The following GCNT1 variants were observed in gnomAD, a reference collection of about 807,000 sequenced individuals.
GCNT1 encodes the protein glucosaminyl (N-acetyl) transferase 1, also known as beta-1,3-galactosyl-O-glycosyl-glycoprotein beta-1,6-N-acetylglucosaminyltransferase.
In GCNT1, 16 loss-of-function variants were observed where a neutral mutation model predicts 26.2. The ratio of observed to expected loss-of-function variants is 0.61; its 90% confidence interval spans 0.41 to 0.93. The LOEUF (loss-of-function observed/expected upper bound fraction) is 0.93, where lower values mean the gene tolerates loss of function less well. GCNT1 is among the 40% of genes least tolerant of loss of function. The pLI is 0.00. For synonymous variants in GCNT1, 183 were observed against 190.8 expected, an observed-to-expected ratio of 0.96 and a Z score of 0.34; for missense variants, 477 against 526.7, an observed-to-expected ratio of 0.91 and a Z score of 0.92.
intron 1 of GCNT1, among the ~76,000 whole-genome samples, chr9:76,449,771 T>C (rs1266978825): frequency 1.3e-5 from 2 of 152,216 alleles, no homozygotes; most frequent in South Asian, 2.1e-4. Flanking sequence ...AAAATAAACC[T>C]TTTCGTTTTT....
the GCNT1 span, among the ~76,000 whole-genome samples, chr9:76,406,997 T>C: frequency 6.6e-6 from 1 of 152,188 alleles, no homozygotes; most frequent in African/African-American, 2.4e-5. Flanking sequence ...GCTGAGATTG[T>C]GCCATTGCAC....
chr9:76,472,873 G>A (rs576626008), intron 2 of GCNT1, among the ~76,000 whole-genome samples: 141 of 151,090 alleles, frequency 9.3e-4, no homozygotes, highest in African/African-American at 3.1e-3. Flanking sequence ...CTCATATTCC[G>A]GAGTAGCTGG....
At chr9:76,437,924 T>A (rs945996923), upstream of GCNT1, among the ~76,000 whole-genome samples, 1 of 152,240 alleles carries the variant, frequency 6.6e-6, no homozygotes, top group Non-Finnish European at 1.5e-5. Flanking sequence ...GAGTAAATGA[T>A]CTTTTGATTG....
intron 1 of GCNT1, among the ~76,000 whole-genome samples, chr9:76,443,303 C>T (rs1004795439): frequency 6.6e-6 from 1 of 152,156 alleles, no homozygotes; most frequent in Non-Finnish European, 1.5e-5. Flanking sequence ...GGTCTCACAG[C>T]CTTCAGAGCT....
intron 2 of GCNT1, among the ~76,000 whole-genome samples, chr9:76,467,153 C>T (rs1430307628): frequency 6.6e-6 from 1 of 152,184 alleles, no homozygotes; most frequent in African/African-American, 2.4e-5. Flanking sequence ...AGCGATTCTC[C>T]TGCCTCAGCC....
At chr9:76,461,194 CTTTTT>C (rs71372085) in intron 2 of GCNT1, among the ~76,000 whole-genome samples, 3 of 125,976 alleles carry the variant, frequency 2.4e-5, no homozygotes, top group Non-Finnish European at 3.3e-5. Flanking sequence ...GTGTAGGCAG[CTTTTT>C]TTTTTTTTTT....
At chr9:76,483,156 C>T (rs991730832) in intron 2 of GCNT1, among the ~76,000 whole-genome samples, 1 of 151,966 alleles carries the variant, frequency 6.6e-6, no homozygotes, top group Non-Finnish European at 1.5e-5. Flanking sequence ...ACATTTAATA[C>T]TGCTTCAAGT....
chr9:76,431,965 C>G (rs1467014325), intron 1 of GCNT1, among the ~76,000 whole-genome samples: 1 of 152,020 alleles, frequency 6.6e-6, no homozygotes, highest in Non-Finnish European at 1.5e-5. Context: ...AAAAATTAGC[C>G]GGGTGTGGTC....
chr9:76,494,007 G>A (rs973259713), intron 2 of GCNT1, among the ~76,000 whole-genome samples: 1 of 152,020 alleles, frequency 6.6e-6, no homozygotes, highest in Non-Finnish European at 1.5e-5. Context: ...TCAAGGGTGA[G>A]CCTGTTGATG....
intron 2 of GCNT1, among the ~76,000 whole-genome samples, chr9:76,470,248 T>C (rs1362512535): frequency 1.3e-5 from 2 of 152,154 alleles, no homozygotes; most frequent in East Asian, 3.8e-4. Context: ...TAAAACAGCC[T>C]CTTTCTCGTG....
chr9:76,425,286 G>C (rs113226880), intron 1 of GCNT1, among the ~76,000 whole-genome samples: 3,343 of 151,660 alleles, frequency 0.022, 66 homozygotes, highest in Non-Finnish European at 0.03. Context: ...GCAATGGCAC[G>C]ATCTTGGCTC....
At chr9:76,489,931 G>A (rs1401427378) in intron 2 of GCNT1, among the ~76,000 whole-genome samples, 1 of 152,204 alleles carries the variant, frequency 6.6e-6, no homozygotes, top group Non-Finnish European at 1.5e-5. Flanking sequence ...TGTTAGTTGA[G>A]CTCATTTGGG....
At chr9:76,467,336 CCAGCCT>C (rs1824024019) in intron 2 of GCNT1, among the ~76,000 whole-genome samples, 1 of 152,160 alleles carries the variant, frequency 6.6e-6, no homozygotes, top group Non-Finnish European at 1.5e-5. Context: ...GCCACCTCAC[CCAGCCT>C]CAGCTGATCT....
chr9:76,478,233 T>C (rs1025793801), intron 2 of GCNT1, among the ~76,000 whole-genome samples: 1 of 152,196 alleles, frequency 6.6e-6, no homozygotes, highest in African/African-American at 2.4e-5. Flanking sequence ...AATCTTGCTG[T>C]TGGTCACTCT....
chr9:76,476,865 C>T (rs1043344196), intron 2 of GCNT1, among the ~76,000 whole-genome samples: 1 of 152,084 alleles, frequency 6.6e-6, no homozygotes, highest in African/African-American at 2.4e-5. Context: ...TTATATTTCC[C>T]TTATTCTAAT....
chr9:76,498,221 A>C (rs1824963023), intron 2 of GCNT1, among the ~76,000 whole-genome samples: 1 of 152,128 alleles, frequency 6.6e-6, no homozygotes, highest in Non-Finnish European at 1.5e-5. Context: ...TCCATTCTTC[A>C]GTTCACGGTC....
rs555056110 is a variant in GCNT1, at chr9:76,486,809, C to T, written c.-289-14107C>T. ...GAAAGAATAGGGCTGGGTGCAGTGGCTCATGCCTACAATCCTAGCACTTCG... is the reference window on the plus strand; with the variant it reads ...GAAAGAATAGGGCTGGGTGCAGTGGTTCATGCCTACAATCCTAGCACTTCG... On this transcript the variant is annotated intron_variant, in intron 2 of 3. Coordinates refer to ENST00000376730, the MANE Select transcript of GCNT1 (RefSeq NM_001490.5). Among the ~76,000 whole-genome samples the T allele has an allele frequency of 2.1e-3, 323 of 152,288 alleles. 1 individual carries two copies. The highest frequency in any genetic ancestry group is 3.2e-3 in the Non-Finnish European group (220 of 68,028).
intron 2 of GCNT1, among the ~76,000 whole-genome samples, chr9:76,494,865 C>G (rs554622440): frequency 4.3e-4 from 65 of 152,180 alleles, no homozygotes; most frequent in Non-Finnish European, 6.2e-4. Flanking sequence ...CTGTCAGGAC[C>G]CCGGAGCTGA....
chr9:76,475,383 A>T (rs374519160), intron 2 of GCNT1, among the ~76,000 whole-genome samples: 1 of 152,224 alleles, frequency 6.6e-6, no homozygotes, highest in Non-Finnish European at 1.5e-5. Flanking sequence ...TAACATTCAT[A>T]TTCGCAGGAA....
Sources: allele counts gnomAD v4.1 joint callset (sites outside exome capture counted in the v4.1 genomes callset), GRCh38; gene constraint gnomAD v4.1.1; transcripts MANE v1.5; gene names NCBI Gene and HGNC (gene_info 2026-07-23, HGNC 2026-07-21).